The following STARD8 variants were observed in gnomAD, a reference collection of about 807,000 sequenced individuals.
STARD8 encodes StAR related lipid transfer domain containing 8.
STARD8 carries 25 observed loss-of-function variants against 69.4 expected under a neutral mutation model. The observed-to-expected ratio is 0.36, with a 90% confidence interval of 0.26 to 0.50. The LOEUF is 0.50. Among genes scored for constraint, STARD8 ranks in the 20% least tolerant of loss-of-function variants. The pLI, the probability that STARD8 is intolerant of heterozygous loss-of-function variation, is 0.96. For synonymous variants in STARD8, 389 were observed against 374.6 expected (o/e 1.04, Z -0.45); for missense variants, 921 against 932.5 (o/e 0.99, Z 0.16).
At chrX:68,648,462 A>G (rs1366500127) in intron 1 of STARD8, among the ~76,000 whole-genome samples, 1 of 111,487 alleles carries the variant, frequency 9.0e-6, no homozygotes, top group Non-Finnish European at 1.9e-5. Context: ...CACTGGAGCT[A>G]CACAAAGACA....
At chrX:68,694,112 G>A (rs2147905829) in intron 2 of STARD8, among the ~76,000 whole-genome samples, 1 of 113,156 alleles carries the variant, frequency 8.8e-6, no homozygotes, top group East Asian at 2.8e-4. Context: ...GCCTGTTACC[G>A]CCGGGCCCGT....
chrX:68,684,463 C>G (rs909842159), intron 2 of STARD8, among the ~76,000 whole-genome samples: 23 of 112,883 alleles, frequency 2.0e-4, no homozygotes, highest in Non-Finnish European at 2.8e-4. Flanking sequence ...CTGCCACTGC[C>G]GGGGGCTATG....
At chrX:68,715,874 CAA>C (rs1407883647) in intron 4 of STARD8, among the ~76,000 whole-genome samples, 1 of 112,337 alleles carries the variant, frequency 8.9e-6, no homozygotes, top group Non-Finnish European at 1.9e-5. Flanking sequence ...GATAAAAATG[CAA>C]AGACTTTTTA....
At chrX:68,703,097 A>AAAAAATAC (rs1315155305) in intron 2 of STARD8, among the ~76,000 whole-genome samples, 2 of 110,905 alleles carry the variant, frequency 1.8e-5, no homozygotes, top group East Asian at 5.7e-4. Flanking sequence ...TACAAAATAT[A>AAAAAATAC]AAAAATACAA....
chrX:68,703,844 C>T (rs1043661149), intron 2 of STARD8, among the ~76,000 whole-genome samples: 2 of 111,322 alleles, frequency 1.8e-5, no homozygotes, highest in African/African-American at 6.5e-5. Context: ...GTGAAGTGCT[C>T]CTTCAGGTCA....
rs1207694583 is a variant in STARD8 at position 68,722,646 on chromosome X, G to A, written c.2799G>A (p.Lys933=). 1 of 1,210,672 alleles carries A rather than the reference G, an allele frequency of 8.3e-7. No individual in the cohort carries two copies. Among genetic ancestry groups the A allele is most frequent in the South Asian group, 1.8e-5 (1 of 56,852 alleles). Residue 933 remains lysine, a splice_region_variant and synonymous_variant, in exon 12 of 15, where the codon AAG becomes AAA. Transcript: ENST00000374599. ...AGCACACGGAGCTGGCTTGCAGGAA[G>A]GTGAGTGCCACACCACGGGTGGCTG... ...GPQHTELACR[K]APDGHPLRLW... is the part of the protein sequence containing the mutation.
At chrX:68,716,275 G>C in intron 4 of STARD8, 93 bp from the exon 5 acceptor site, 1 of 867,366 alleles carries the variant, frequency 1.2e-6, no homozygotes, top group Middle Eastern at 3.1e-4. Flanking sequence ...AGTTTTGATG[G>C]CTTGGGCATG....
rs1232745773 is a variant in STARD8 at position 68,712,942 on chromosome X, G to A, written c.108G>A (p.Trp36Ter). The A allele has an allele frequency of 8.3e-7, 1 of 1,207,007 alleles. No individual in the cohort carries two copies. Among genetic ancestry groups the A allele is most frequent in the Non-Finnish European group, 1.1e-6 (1 of 893,085 alleles). ...CCGAGGCCAAAAGAGCATGTGAGTG[G>A]CTTCAAGCAACAGGATTCCCTCAGT... ...AEAEAKRACEWLQATGFPQYV... is the reference protein window; with the variant it reads ...AEAEAKRACE Residue 36 changes from tryptophan (W) to a stop codon, truncating the protein, a stop_gained, in exon 3 of 15, where the codon TGG becomes TGA. Coordinates refer to ENST00000374599, the MANE Select transcript of STARD8 (RefSeq NM_001142503.3). LOFTEE classifies it high-confidence loss of function.
At chrX:68,663,087 G>A (rs1016288991) in intron 1 of STARD8, among the ~76,000 whole-genome samples, 2 of 111,893 alleles carry the variant, frequency 1.8e-5, no homozygotes, top group Admixed American at 9.5e-5. Flanking sequence ...TTGGATTCTT[G>A]GCCTCTGGGT....
chrX:68,654,445 G>T (rs2079599223), intron 1 of STARD8, among the ~76,000 whole-genome samples: 1 of 111,620 alleles, frequency 9.0e-6, no homozygotes, highest in African/African-American at 3.3e-5. Context: ...ACAGTCGTGT[G>T]GACTGGGAAG....
chrX:68,717,198 A>C lies in STARD8; in HGVS notation c.298-14A>C, dbSNP rs758275875. 2 of 1,174,265 alleles carry C rather than the reference A, an allele frequency of 1.7e-6. No homozygotes were observed. The highest frequency in any genetic ancestry group is 3.6e-5 in the African/African-American group (2 of 56,177). ...CTGGGCTTCTCTGACCTGATCCTGC[A>C]GTGCCTTTCCCAGAATGAAGACTCA... is the stretch of plus-strand genomic sequence containing the variant. On this transcript the variant is annotated splice_polypyrimidine_tract_variant and intron_variant, in intron 5 of 14. Coordinates refer to ENST00000374599, the MANE Select transcript of STARD8 (RefSeq NM_001142503.3).
rs767334775 is a variant in STARD8, at chrX:68,720,920, G to A, written c.2050-4G>A. 8.3e-7 allele frequency: 1 copy of A among 1,209,827 alleles called. No individual in the cohort carries two copies. Among genetic ancestry groups the A allele is most frequent in the South Asian group, 1.8e-5 (1 of 56,680 alleles). ...TCACTCCCTCCCTCCCCTGCATGGA[G>A]TAGGTAGGCATCTTCCGCAAGTCTG... On this transcript the variant is annotated splice_polypyrimidine_tract_variant and splice_region_variant and intron_variant, in intron 8 of 14. Coordinates refer to ENST00000374599, the MANE Select transcript of STARD8 (RefSeq NM_001142503.3).
chrX:68,719,043 C>G (rs1006591174), intron 6 of STARD8, among the ~76,000 whole-genome samples, 182 bp from the exon 7 acceptor site: 14 of 111,008 alleles, frequency 1.3e-4, no homozygotes, highest in African/African-American at 4.3e-4. Flanking sequence ...CTTCTTGGCC[C>G]CTAAGAAGCT....
intron 2 of STARD8, among the ~76,000 whole-genome samples, chrX:68,702,026 G>A (rs985131599): frequency 1.8e-5 from 2 of 111,758 alleles, no homozygotes; most frequent in African/African-American, 6.5e-5. Context: ...CTAGCTGCCA[G>A]CTCCATTGCT....
At position 68,696,016 on chromosome X, in the gene STARD8, C is replaced by G. The variant is rs148839775; in HGVS notation, c.80-16898C>G. ...GGTTCAACAGATGGCAGGTTTATCA[C>G]GTGCAGGCTGTGCCCTCACCTCTTT... On this transcript the variant is annotated intron_variant, in intron 2 of 14. Coordinates refer to ENST00000374599, the MANE Select transcript of STARD8 (RefSeq NM_001142503.3). Among the ~76,000 whole-genome samples the G allele has an allele frequency of 2.7e-3, 305 of 112,342 alleles. 1 individual carries two copies. The highest frequency in any genetic ancestry group is 0.014 in the Middle Eastern group (3 of 217).
chrX:68,653,295 CCA>C (rs2079581201), intron 1 of STARD8, among the ~76,000 whole-genome samples: 2 of 52,344 alleles, frequency 3.8e-5, no homozygotes, highest in South Asian at 1.1e-3. Context: ...ACACCACACA[CCA>C]CACACACACC....
chrX:68,686,884 G>C (rs1471895833), intron 2 of STARD8, among the ~76,000 whole-genome samples: 1 of 111,034 alleles, frequency 9.0e-6, no homozygotes, highest in Non-Finnish European at 1.9e-5. Context: ...CGCTCAAAAA[G>C]AACACCACTT....
intron 2 of STARD8, chrX:68,693,948 C>A: frequency 3.9e-6 from 2 of 518,373 alleles, no homozygotes; most frequent in Non-Finnish European, 4.7e-6. Flanking sequence ...TTCCGCCGGG[C>A]GGCGTACGCA....
chrX:68,659,187 C>T (rs754398947), intron 1 of STARD8, among the ~76,000 whole-genome samples: 82 of 112,061 alleles, frequency 7.3e-4, no homozygotes, highest in Admixed American at 6.7e-3. Flanking sequence ...GTGAAAAGGC[C>T]TGCCACACAA....
Sources: gnomAD v4.1 joint callset for allele counts (sites outside exome capture counted in the v4.1 genomes callset) on GRCh38, gnomAD v4.1.1 for gene constraint, MANE v1.5 for transcripts, NCBI Gene and HGNC (gene_info 2026-07-23, HGNC 2026-07-21) for gene names.